The following CSNK1G3 variants were observed in gnomAD, a reference collection of about 807,000 sequenced individuals.
CSNK1G3 encodes the protein casein kinase I isoform gamma-3.
In CSNK1G3, 23 loss-of-function variants were observed where a neutral mutation model predicts 64.3. The ratio of observed to expected loss-of-function variants is 0.36; its 90% confidence interval spans 0.26 to 0.51. The LOEUF is 0.51. Among genes scored for constraint, CSNK1G3 ranks in the 20% least tolerant of loss-of-function variants. CSNK1G3 has a pLI of 0.96. For synonymous variants in CSNK1G3, 158 were observed against 162.2 expected (o/e 0.97, Z 0.20); for missense variants, 357 against 510.5 (o/e 0.70, Z 2.90).
chr5:123,514,697 A>C (rs775240114), intron 1 of CSNK1G3, among the ~76,000 whole-genome samples: 3 of 151,756 alleles, frequency 2.0e-5, no homozygotes, highest in Non-Finnish European at 4.4e-5. Context: ...TTAATAGGCA[A>C]AATGGGGACT....
At chr5:123,534,233 T>A (rs1041284068) in intron 1 of CSNK1G3, among the ~76,000 whole-genome samples, 11 of 152,070 alleles carry the variant, frequency 7.2e-5, no homozygotes, top group Admixed American at 7.2e-4. Flanking sequence ...AATCCTTCTA[T>A]TTTATAATTA....
rs980371016 is a variant in CSNK1G3, at chr5:123,584,026, G to T, written c.674-4042G>T. Among the ~76,000 whole-genome samples the T allele has an allele frequency of 2.0e-5, 3 of 151,976 alleles. No homozygotes were observed. In the South Asian group the frequency reaches 6.2e-4, roughly 31 times the overall value. On this transcript the variant is annotated intron_variant, in intron 6 of 12. Coordinates refer to ENST00000345990, the Ensembl canonical transcript of CSNK1G3. ...TTTTTATGTATTAACCTTATATCTT[G>T]TAACCTTGCTAAAACTTACCTACTA...
At chr5:123,614,204 G>C in intron 12 of CSNK1G3, 138 bp from the exon 14 acceptor site, 1 of 659,150 alleles carries the variant, frequency 1.5e-6, no homozygotes. Context: ...TCACTAATAC[G>C]TATGCTTCAT....
At chr5:123,527,823 A>G (rs1318879476) in intron 1 of CSNK1G3, among the ~76,000 whole-genome samples, 3 of 152,212 alleles carry the variant, frequency 2.0e-5, no homozygotes, top group African/African-American at 4.8e-5. Context: ...TTACCAAAAT[A>G]TATTTTATTT....
chr5:123,557,384 G>T (rs1242928428), intron 3 of CSNK1G3, 111 bp from the exon 4 acceptor site: 1 of 685,082 alleles, frequency 1.5e-6, no homozygotes, highest in Non-Finnish European at 2.5e-6. Flanking sequence ...AAAGATGCCT[G>T]GTAGACTATT....
chr5:123,582,477 T>A (rs1049435393), intron 6 of CSNK1G3, among the ~76,000 whole-genome samples: 1 of 152,198 alleles, frequency 6.6e-6, no homozygotes, highest in Non-Finnish European at 1.5e-5. Flanking sequence ...GGACACAGAC[T>A]CTTAATACGT....
chr5:123,609,693 G>A (rs986836533), intron 12 of CSNK1G3, among the ~76,000 whole-genome samples: 1 of 152,156 alleles, frequency 6.6e-6, no homozygotes, highest in Admixed American at 6.6e-5. Context: ...GAAATCCCAC[G>A]TGGTGTGTTC....
chr5:123,566,430 C>T (rs531468977), intron 4 of CSNK1G3, among the ~76,000 whole-genome samples: 2 of 152,152 alleles, frequency 1.3e-5, no homozygotes, highest in South Asian at 4.1e-4. Flanking sequence ...ATTTTAGAAC[C>T]ACTGGAATGG....
At chr5:123,576,964 C>T (rs1417757602) in intron 6 of CSNK1G3, among the ~76,000 whole-genome samples, 5 of 152,000 alleles carry the variant, frequency 3.3e-5, no homozygotes, top group Non-Finnish European at 7.4e-5. Context: ...TTACCTTCTC[C>T]CCCAGTTATT....
chr5:123,545,416 G>T lies in CSNK1G3; in HGVS notation c.-247-1G>T. The T allele has an allele frequency of 3.0e-6, 1 of 330,124 alleles. No homozygotes were observed. Among genetic ancestry groups the T allele is most frequent in the Non-Finnish European group, 5.5e-6 (1 of 181,410 alleles). 20.4% of individuals were successfully genotyped at this position (330,124 alleles called of 1,614,324 possible). The stretch of plus-strand genomic sequence containing the variant: ...CTAATTTCCTTTTCTTAATATTCTA[G>T]CTCTCTATCAATATCAGCTCACATC... On this transcript the variant is annotated splice_acceptor_variant, in intron 1 of 12. Coordinates refer to ENST00000345990, the Ensembl canonical transcript of CSNK1G3. LOFTEE classifies it low-confidence loss of function (5UTR_SPLICE).
intron 1 of CSNK1G3, among the ~76,000 whole-genome samples, chr5:123,540,675 C>T (rs1000823439): frequency 2.6e-5 from 4 of 152,038 alleles, no homozygotes; most frequent in African/African-American, 7.2e-5. Flanking sequence ...CTCTGCTGCC[C>T]AGGCTGCAGT....
chr5:123,573,253 C>A, intron 4 of CSNK1G3, 140 bp from the exon 5 acceptor site: 1 of 844,972 alleles, frequency 1.2e-6, no homozygotes, highest in Non-Finnish European at 1.8e-6. Flanking sequence ...GAGGTTTGGT[C>A]AGGAAAAGTA....
chr5:123,576,396 C>T (rs1370271663), intron 6 of CSNK1G3, among the ~76,000 whole-genome samples: 2 of 152,094 alleles, frequency 1.3e-5, no homozygotes. Flanking sequence ...ACAGCATATA[C>T]CTTAGAGGTG....
At chr5:123,614,560 C>CT (rs199591283) in exon 13 of CSNK1G3, 47,766 of 395,862 alleles carry the variant, frequency 0.12, 2 homozygotes, top group East Asian at 0.16. Context: ...CATTCTTTTT[C>CT]TTTTTTTTTT....
At chr5:123,519,263 A>G (rs1182368486) in intron 1 of CSNK1G3, among the ~76,000 whole-genome samples, 2 of 152,082 alleles carry the variant, frequency 1.3e-5, no homozygotes, top group Non-Finnish European at 2.9e-5. Flanking sequence ...CATGTTGGCC[A>G]GGCTGGTCTT....
intron 6 of CSNK1G3, among the ~76,000 whole-genome samples, chr5:123,587,174 T>C (rs780975864): frequency 6.6e-6 from 1 of 152,342 alleles, no homozygotes; most frequent in Non-Finnish European, 1.5e-5. Context: ...TGACCCTTCA[T>C]CCTAGTTCAG....
chr5:123,539,328 T>C (rs1001309438), intron 1 of CSNK1G3, among the ~76,000 whole-genome samples: 14 of 151,576 alleles, frequency 9.2e-5, no homozygotes, highest in African/African-American at 3.4e-4. Context: ...GTCTGTGGTC[T>C]CAGCTACTCG....
chr5:123,527,407 A>G (rs557987479), intron 1 of CSNK1G3, among the ~76,000 whole-genome samples: 4 of 152,282 alleles, frequency 2.6e-5, no homozygotes, highest in South Asian at 2.1e-4. Flanking sequence ...AGGAAGTCCT[A>G]TCTCCAGAGC....
intron 1 of CSNK1G3, 130 bp downstream of exon 1, chr5:123,512,700 G>T (rs1401375210): frequency 6.7e-6 from 1 of 149,134 alleles, no homozygotes; most frequent in African/African-American, 2.4e-5. Context: ...CGGCGGGGGC[G>T]GCGCCGCAGG....
Sources: gnomAD v4.1 joint callset for allele counts (sites outside exome capture counted in the v4.1 genomes callset) on GRCh38, gnomAD v4.1.1 for gene constraint, MANE v1.5 for transcripts, NCBI Gene and HGNC (gene_info 2026-07-23, HGNC 2026-07-21) for gene names.